Variants in KDM2B observed in about 807,000 individuals in gnomAD.
KDM2B encodes lysine demethylase 2B.
Under a neutral mutation model 150.0 loss-of-function variants are expected in KDM2B, and 26 were observed. That is an observed-to-expected ratio of 0.17 (90% CI 0.13 to 0.24). KDM2B has a LOEUF of 0.24. KDM2B is among the 10% of genes least tolerant of loss of function. The pLI is 1.00. For synonymous variants in KDM2B, 734 were observed against 729.5 expected (o/e 1.01, Z -0.10); for missense variants, 1,265 against 1,816.9 (o/e 0.70, Z 5.52).
At chr12:121,482,837 C>A (rs995575173) in intron 12 of KDM2B, among the ~76,000 whole-genome samples, 58 of 152,208 alleles carry the variant, frequency 3.8e-4, no homozygotes, top group African/African-American at 1.4e-3. Flanking sequence ...AATCTGGGAG[C>A]AGTTTGCGTT....
intron 11 of KDM2B, among the ~76,000 whole-genome samples, chr12:121,498,898 G>A (rs1038550820): frequency 6.6e-6 from 1 of 151,414 alleles, no homozygotes; most frequent in Non-Finnish European, 1.5e-5. Flanking sequence ...CCACAGCCTC[G>A]AACTCCTGGG....
chr12:121,516,364 G>A, intron 9 of KDM2B: 1 of 664,482 alleles, frequency 1.5e-6, no homozygotes, highest in Non-Finnish European at 2.3e-6. Context: ...AACCAGCTGG[G>A]TGAAAACAAA....
rs1555288910 is a variant in KDM2B at position 121,442,815 on chromosome 12, C to T, written c.2626G>A (p.Glu876Lys). 1 of 1,524,762 alleles carries T rather than the reference C, an allele frequency of 6.6e-7. No individual in the cohort carries two copies. The highest frequency in any genetic ancestry group is 1.3e-5 in the South Asian group (1 of 75,670). 94.5% of individuals were successfully genotyped at this position (1,524,762 alleles called of 1,614,324 possible). ...RKKRRSWKNA[E>K]DRMALANKPL... ...TTGTTGGCCAGCGCCATGCGGTCCT[C>T]GGCGTTCTTCCAGGACCGCCGCTGA... Residue 876 changes from glutamate to lysine, a missense_variant, in exon 19 of 23, where the codon GAG (glutamate) becomes AAG (lysine). By Grantham distance (56) the Glu-to-Lys change is moderately conservative (BLOSUM62 1). Coordinates refer to ENST00000377071, the MANE Select transcript of KDM2B (RefSeq NM_032590.5). The surrounding 1 kb of genome is among the most constrained non-coding windows in gnomAD (Gnocchi z 7.7).
In KDM2B at chr12:121,575,938, G is replaced by C; in HGVS notation, c.272-79C>G. 9.5e-7 allele frequency: 1 copy of C among 1,053,894 alleles called. No homozygotes were observed. The highest frequency in any genetic ancestry group is 1.5e-6 in the Non-Finnish European group (1 of 672,944). The allele number at this position is 1,053,894 out of a possible 1,614,324, so 65.3% of individuals were successfully genotyped here. ...AACCGGGATCTGTTGGTTAGGGGAA[G>C]AAAACTGATGGACGAAGGGGCAGGG... On this transcript the variant is annotated intron_variant, in intron 2 of 22. Transcript: ENST00000377071. This position sits in a 1 kb window ranked among gnomAD's most constrained non-coding sequence, Gnocchi z 4.4.
Position 121,520,277 on chromosome 12 carries a change from C to T in KDM2B, c.1047+708G>A, listed in dbSNP as rs1594034552. On this transcript the variant is annotated intron_variant, in intron 9 of 22. Coordinates refer to ENST00000377071, the MANE Select transcript of KDM2B (RefSeq NM_032590.5). The surrounding 1 kb of genome is among the most constrained non-coding windows in gnomAD (Gnocchi z 4.5). ...AGTCCTAGCACGAGAAAGGCCATGG[C>T]AAGTTCAGGCCACTTGTCCTTTTCA... Among the ~76,000 whole-genome samples, 1 of 152,132 alleles carries T rather than the reference C, an allele frequency of 6.6e-6. No homozygotes were observed. Among genetic ancestry groups the T allele is most frequent in the Non-Finnish European group, 1.5e-5 (1 of 68,024 alleles).
At chr12:121,441,722 G>A (rs1031569979) in intron 19 of KDM2B, among the ~76,000 whole-genome samples, 20 of 152,288 alleles carry the variant, frequency 1.3e-4, no homozygotes, top group Admixed American at 4.6e-4. Flanking sequence ...CACTGCGCCC[G>A]GCCTCCATCA....
chr12:121,579,843 G>A (rs1205169056), intron 1 of KDM2B, among the ~76,000 whole-genome samples: 1 of 150,800 alleles, frequency 6.6e-6, no homozygotes, highest in Non-Finnish European at 1.5e-5. Flanking sequence ...GGGGCTGGAG[G>A]AGTAAGCAGC....
chr12:121,461,792 G>T (rs1237011632), intron 12 of KDM2B, among the ~76,000 whole-genome samples: 3 of 152,172 alleles, frequency 2.0e-5, no homozygotes, highest in Non-Finnish European at 2.9e-5. Flanking sequence ...GCTCAAACTA[G>T]TTAAGTCCGT....
At chr12:121,449,671 C>T (rs985412968) in intron 13 of KDM2B, among the ~76,000 whole-genome samples, 1 of 152,126 alleles carries the variant, frequency 6.6e-6, no homozygotes, top group Non-Finnish European at 1.5e-5. Flanking sequence ...TAGGTGACAC[C>T]GTTCTAAAAA....
At chr12:121,552,946 G>A (rs1889617815) in intron 4 of KDM2B, among the ~76,000 whole-genome samples, 1 of 151,878 alleles carries the variant, frequency 6.6e-6, no homozygotes, top group Non-Finnish European at 1.5e-5. Flanking sequence ...CAGAACCCCA[G>A]TACCAGCCGG....
chr12:121,436,605 G>C (rs1331770513), intron 22 of KDM2B, among the ~76,000 whole-genome samples: 1 of 152,050 alleles, frequency 6.6e-6, no homozygotes, highest in Admixed American at 6.6e-5. Context: ...GAAATGAGGA[G>C]GGAAGACAGG....
At chr12:121,477,095 C>T (rs1279233589) in intron 12 of KDM2B, among the ~76,000 whole-genome samples, 3 of 152,094 alleles carry the variant, frequency 2.0e-5, no homozygotes, top group African/African-American at 4.8e-5. Flanking sequence ...CTTGTAGAGA[C>T]GGAGTCTCAC....
intron 6 of KDM2B, among the ~76,000 whole-genome samples, chr12:121,547,250 C>T (rs1889126032): frequency 6.6e-6 from 1 of 152,132 alleles, no homozygotes; most frequent in Admixed American, 6.6e-5. Context: ...GAATTGAAAA[C>T]AAGCCCTGCT....
intron 6 of KDM2B, among the ~76,000 whole-genome samples, chr12:121,544,150 C>G (rs1471249692): frequency 6.7e-6 from 1 of 148,264 alleles, no homozygotes; most frequent in African/African-American, 2.5e-5. Flanking sequence ...CAGGTACACA[C>G]CTATAGTCCT....
intron 4 of KDM2B, among the ~76,000 whole-genome samples, chr12:121,562,488 A>T (rs1890415405): frequency 6.6e-6 from 1 of 152,146 alleles, no homozygotes; most frequent in Non-Finnish European, 1.5e-5. Flanking sequence ...TGTCTCAAAA[A>T]AAAAGTCTGG....
chr12:121,496,884 G>A (rs1190409169), intron 11 of KDM2B, among the ~76,000 whole-genome samples: 4 of 151,866 alleles, frequency 2.6e-5, no homozygotes, highest in Non-Finnish European at 5.9e-5. Context: ...CCAAAGTGCT[G>A]GGATTGCAGG....
In KDM2B at chr12:121,445,259, C is replaced by T; in HGVS notation, c.2103+16G>A. The T allele has an allele frequency of 6.2e-7, 1 of 1,612,362 alleles. No homozygotes were observed. ...CCCAGAGCGTCAGCACCACCTGTCCCCACTGGGCCACTCACCTTAAGGCAT... is the reference window on the plus strand; with the variant it reads ...CCCAGAGCGTCAGCACCACCTGTCCTCACTGGGCCACTCACCTTAAGGCAT... On this transcript the variant is annotated intron_variant, in intron 14 of 22. Coordinates refer to ENST00000377071, the MANE Select transcript of KDM2B (RefSeq NM_032590.5).
chr12:121,428,481 T>TA (rs1566240818), downstream of KDM2B, among the ~76,000 whole-genome samples: 1 of 152,126 alleles, frequency 6.6e-6, no homozygotes. Flanking sequence ...TGTCTCATTT[T>TA]AATTAAAACT....
intron 11 of KDM2B, among the ~76,000 whole-genome samples, chr12:121,508,675 C>T (rs1348288283): frequency 6.6e-6 from 1 of 152,162 alleles, no homozygotes; most frequent in African/African-American, 2.4e-5. Flanking sequence ...CAGTCACCCC[C>T]GGGTCCTCAT....
Sources: gnomAD v4.1 joint callset for allele counts (sites outside exome capture counted in the v4.1 genomes callset) on GRCh38, gnomAD v4.1.1 for gene constraint, Gnocchi (gnomAD v3.1) non-coding constraint, MANE v1.5 for transcripts, NCBI Gene and HGNC (gene_info 2026-07-23, HGNC 2026-07-21) for gene names.